CTNNA3: variants seen among roughly 807,000 people sequenced by gnomAD.
CTNNA3 encodes the protein catenin alpha 3, also known as catenin alpha-3.
In CTNNA3, 76 loss-of-function variants were observed where a neutral mutation model predicts 95.7. The observed-to-expected ratio is 0.79, with a 90% CI of 0.66 to 0.96. The LOEUF is 0.96. CTNNA3 is among the 40% of genes least tolerant of loss of function. The pLI, the probability that CTNNA3 is intolerant of heterozygous loss-of-function variation, is 0.00. For missense variants in CTNNA3, 1,191 were observed against 1,089.8 expected, an observed-to-expected ratio of 1.09 and a Z score of -1.31; for synonymous variants, 431 against 374.4, an observed-to-expected ratio of 1.15 and a Z score of -1.74.
intron 7 of CTNNA3, among the ~76,000 whole-genome samples, chr10:66,853,935 T>C (rs1843593831): frequency 1.3e-5 from 2 of 152,110 alleles, no homozygotes; most frequent in Admixed American, 1.3e-4. Flanking sequence ...GCAATTGTTT[T>C]GCATAAACGT....
intron 5 of CTNNA3, among the ~76,000 whole-genome samples, chr10:67,483,839 T>C (rs1848344566): frequency 7.7e-6 from 1 of 130,150 alleles, no homozygotes; most frequent in Admixed American, 7.3e-5. Context: ...CACAAACAAA[T>C]GGGAAAACAT....
intron 3 of CTNNA3, among the ~76,000 whole-genome samples, chr10:67,575,190 T>C (rs575415085): frequency 6.0e-4 from 92 of 152,200 alleles, no homozygotes; most frequent in Non-Finnish European, 1.1e-3. Context: ...TTCCTATATA[T>C]ATTTTTTGTT....
At chr10:66,266,732 G>A (rs973457659) in intron 13 of CTNNA3, among the ~76,000 whole-genome samples, 1 of 151,868 alleles carries the variant, frequency 6.6e-6, no homozygotes, top group East Asian at 1.9e-4. Flanking sequence ...CATATGCTTG[G>A]CTTCAGCTCA....
At chr10:66,974,360 C>T (rs1182136031) in intron 7 of CTNNA3, among the ~76,000 whole-genome samples, 3 of 152,070 alleles carry the variant, frequency 2.0e-5, no homozygotes, top group Non-Finnish European at 2.9e-5. Context: ...AGTAATACTC[C>T]CCTGTGTATT....
intron 7 of CTNNA3, among the ~76,000 whole-genome samples, chr10:67,121,689 A>G (rs1242026582): frequency 6.6e-6 from 1 of 151,952 alleles, no homozygotes; most frequent in African/African-American, 2.4e-5. Flanking sequence ...GGGTCAAGCA[A>G]GTACTGGGCA....
chr10:67,676,280 A>G (rs939018821), intron 1 of CTNNA3, among the ~76,000 whole-genome samples: 1 of 152,176 alleles, frequency 6.6e-6, no homozygotes, highest in African/African-American at 2.4e-5. Flanking sequence ...AATGCAAAGC[A>G]CAAGAACACA....
intron 5 of CTNNA3, among the ~76,000 whole-genome samples, chr10:67,442,192 A>G (rs1414549027): frequency 6.6e-6 from 1 of 152,158 alleles, no homozygotes; most frequent in Non-Finnish European, 1.5e-5. Context: ...TGCAAACTTC[A>G]TGGTAACCTC....
At chr10:66,122,011 C>T (rs2082606728) in intron 13 of CTNNA3, among the ~76,000 whole-genome samples, 4 of 152,068 alleles carry the variant, frequency 2.6e-5, no homozygotes. Flanking sequence ...GACAACTTCC[C>T]ACACAACCAG....
intron 5 of CTNNA3, among the ~76,000 whole-genome samples, chr10:67,391,235 A>G (rs1378305136): frequency 6.6e-6 from 1 of 152,042 alleles, no homozygotes; most frequent in African/African-American, 2.4e-5. Context: ...ATGTACAAAA[A>G]TCACAAGCAT....
chr10:66,804,029 C>G (rs1190857430), intron 7 of CTNNA3, among the ~76,000 whole-genome samples: 1 of 151,004 alleles, frequency 6.6e-6, no homozygotes, highest in Non-Finnish European at 1.5e-5. Flanking sequence ...TTGCCACTGA[C>G]ATTTGTGAAT....
intron 5 of CTNNA3, among the ~76,000 whole-genome samples, chr10:67,256,039 C>CAA (rs546019520): frequency 6.9e-6 from 1 of 144,560 alleles, no homozygotes; most frequent in Non-Finnish European, 1.5e-5. Context: ...AGAACAGCAG[C>CAA]AAAAAAAAAA....
chr10:66,325,531 C>G (rs150864490), intron 12 of CTNNA3, among the ~76,000 whole-genome samples: 1 of 152,042 alleles, frequency 6.6e-6, no homozygotes, highest in African/African-American at 2.4e-5. Flanking sequence ...AGGCATGAGC[C>G]GCTGCACCTG....
chr10:66,967,904 T>C (rs11591465), intron 7 of CTNNA3, among the ~76,000 whole-genome samples: 26,300 of 152,074 alleles, frequency 0.17, 2,404 homozygotes, highest in Middle Eastern at 0.19. Context: ...TACTGAATAG[T>C]AATAAAATCT....
intron 7 of CTNNA3, among the ~76,000 whole-genome samples, chr10:66,812,212 T>C (rs1474700830): frequency 2.0e-5 from 3 of 152,138 alleles, no homozygotes; most frequent in African/African-American, 7.2e-5. Flanking sequence ...GTAAAATCCA[T>C]GCCAGTACTA....
At chr10:67,039,180 TA>T (rs1854248980) in intron 7 of CTNNA3, among the ~76,000 whole-genome samples, 1 of 152,118 alleles carries the variant, frequency 6.6e-6, no homozygotes. Context: ...CTTAACATTA[TA>T]ACCAAAATTA....
intron 15 of CTNNA3, among the ~76,000 whole-genome samples, chr10:66,015,272 T>A (rs1002204362): frequency 1.3e-5 from 2 of 152,160 alleles, no homozygotes; most frequent in Non-Finnish European, 2.9e-5. Flanking sequence ...CCTAATAGAC[T>A]AGTCTTTCTA....
rs190164042 is a variant in CTNNA3 at position 67,204,921 on chromosome 10, A to G, written c.843+14686T>C. 6.8e-3 allele frequency among the ~76,000 whole-genome samples: 1,028 copies of G among 152,288 alleles called. 14 individuals are homozygous for G. Among genetic ancestry groups the G allele is most frequent in the South Asian group, 0.033 (161 of 4,830 alleles). On this transcript the variant is annotated intron_variant, in intron 6 of 17. Transcript: ENST00000433211. ...CTCAGAAATGTAAAAACCTGAAAAG[A>G]TATCTCAAAAGGCCAATCTTAGGCT...
At chr10:67,435,669 T>A (rs572550063) in intron 5 of CTNNA3, among the ~76,000 whole-genome samples, 1 of 152,200 alleles carries the variant, frequency 6.6e-6, no homozygotes, top group South Asian at 2.1e-4. Flanking sequence ...AGCTCTTCTA[T>A]ATACTAACAG....
At chr10:66,490,105 A>C (rs1839871945) in intron 11 of CTNNA3, among the ~76,000 whole-genome samples, 5 of 152,132 alleles carry the variant, frequency 3.3e-5, no homozygotes. Context: ...ATATCTATTC[A>C]AATTCTAGAC....
Sources: allele counts gnomAD v4.1 joint callset (sites outside exome capture counted in the v4.1 genomes callset), GRCh38; gene constraint gnomAD v4.1.1; transcripts MANE v1.5; gene names NCBI Gene and HGNC (gene_info 2026-07-23, HGNC 2026-07-21).